Variants in SELP observed in about 807,000 individuals in gnomAD.
The protein encoded by SELP is selectin P.
In SELP, 92 loss-of-function variants were observed where a neutral mutation model predicts 104.1. The ratio of observed to expected loss-of-function variants is 0.88; its 90% CI spans 0.75 to 1.05. The LOEUF (loss-of-function observed/expected upper bound fraction) is 1.05, where lower values mean the gene tolerates loss of function less well. Ranked by LOEUF, SELP falls within the 50% of genes least tolerant of loss-of-function variation. The pLI, the probability that SELP is intolerant of heterozygous loss-of-function variation, is 0.00. For missense variants in SELP, 1,022 were observed against 1,017.3 expected (o/e 1.00, Z -0.06); for synonymous variants, 397 against 364.5 (o/e 1.09, Z -1.01).
At chr1:169,599,367 A>AG (rs1483370697) in intron 10 of SELP, among the ~76,000 whole-genome samples, 3 of 151,802 alleles carry the variant, frequency 2.0e-5, no homozygotes, top group African/African-American at 7.3e-5. Flanking sequence ...GCAAAAAAAA[A>AG]AAAACTCCTG....
chr1:169,612,569 C>T (rs1662597417), intron 5 of SELP, among the ~76,000 whole-genome samples, 167 bp from the exon 6 acceptor site: 1 of 152,090 alleles, frequency 6.6e-6, no homozygotes, highest in Non-Finnish European at 1.5e-5. Flanking sequence ...AGATCAAACA[C>T]CCTTGTTTTT....
chr1:169,603,064 C>T lies in SELP; in HGVS notation c.1667G>A (p.Arg556Gln), dbSNP rs201049860. Residue 556 changes from arginine to glutamine, a missense_variant, in exon 10 of 17, where the codon CGA becomes CAA. Coordinates refer to ENST00000263686, the MANE Select transcript of SELP (RefSeq NM_003005.4). ...TGGGGAGTCTGTCCAGCGTCCCGAT[C>T]GAGTACAATCCAATCTTTCTGGTCC... ...LSGPERLDCT[R>Q]SGRWTDSPPM... The T allele has an allele frequency of 1.1e-5, 18 of 1,613,850 alleles. No homozygotes were observed. The highest frequency in any genetic ancestry group is 9.3e-5 in the African/African-American group (7 of 74,904).
chr1:169,608,147 C>CTT (rs200791706), intron 8 of SELP, among the ~76,000 whole-genome samples: 1 of 138,242 alleles, frequency 7.2e-6, no homozygotes, highest in Non-Finnish European at 1.6e-5. Flanking sequence ...CTTGTTTTTT[C>CTT]TTTTTTTTTT....
intron 1 of SELP, among the ~76,000 whole-genome samples, chr1:169,629,155 T>A (rs1234393001): frequency 6.6e-6 from 1 of 152,216 alleles, no homozygotes; most frequent in Admixed American, 6.5e-5. Context: ...GTGCATTTTA[T>A]CTAGGTGCAT....
intron 1 of SELP, among the ~76,000 whole-genome samples, chr1:169,629,777 G>A (rs910000596): frequency 2.0e-5 from 3 of 152,150 alleles, no homozygotes; most frequent in African/African-American, 7.2e-5. Context: ...CAGAGGACAG[G>A]CCCCAGATCC....
At chr1:169,591,590 T>C (rs1027870373) in intron 14 of SELP, 134 bp from the exon 15 acceptor site, 2 of 532,620 alleles carry the variant, frequency 3.8e-6, no homozygotes, top group South Asian at 3.0e-5. Flanking sequence ...AAGGGGAATA[T>C]TGGGAACAGT....
chr1:169,628,332 G>T (rs1314896567), intron 1 of SELP, among the ~76,000 whole-genome samples: 1 of 152,216 alleles, frequency 6.6e-6, no homozygotes, highest in Admixed American at 6.5e-5. Context: ...GGTCCTAAAA[G>T]TTAATTAAAG....
chr1:169,628,107 G>C (rs1359292123), intron 1 of SELP, among the ~76,000 whole-genome samples: 1 of 152,194 alleles, frequency 6.6e-6, no homozygotes, highest in Admixed American at 6.5e-5. Context: ...TGTTGGCCAG[G>C]CTGCTCTTGA....
chr1:169,621,258 C>T (rs1196248847), intron 1 of SELP, among the ~76,000 whole-genome samples: 1 of 135,622 alleles, frequency 7.4e-6, no homozygotes, highest in South Asian at 2.4e-4. Flanking sequence ...TGTGTCACAC[C>T]CCAGTGATGG....
intron 3 of SELP, among the ~76,000 whole-genome samples, chr1:169,615,398 T>A (rs956790091): frequency 6.6e-6 from 1 of 152,212 alleles, no homozygotes; most frequent in South Asian, 2.1e-4. Context: ...CTACCACTGT[T>A]GTGGGTTAGA....
At chr1:169,605,436 ATTC>A (rs1244865067) in intron 9 of SELP, among the ~76,000 whole-genome samples, 1 of 148,000 alleles carries the variant, frequency 6.8e-6, no homozygotes, top group African/African-American at 2.4e-5. Flanking sequence ...TCATTCATTC[ATTC>A]ATTCATTCAT....
intron 7 of SELP, 150 bp downstream of exon 7, chr1:169,611,342 G>C (rs1253359364): frequency 6.9e-6 from 5 of 728,208 alleles, no homozygotes; most frequent in Non-Finnish European, 1.1e-5. Context: ...CCATTTCACA[G>C]ATGAGAAAAC....
chr1:169,589,836 T>G (rs182943717), intron 16 of SELP, among the ~76,000 whole-genome samples: 34 of 152,348 alleles, frequency 2.2e-4, no homozygotes, highest in African/African-American at 7.9e-4. Context: ...CAGTCCTGAC[T>G]TCTGCTTTGC....
chr1:169,603,728 T>A (rs1168539786), intron 9 of SELP, among the ~76,000 whole-genome samples: 1 of 152,236 alleles, frequency 6.6e-6, no homozygotes, highest in Non-Finnish European at 1.5e-5. Context: ...ATTTTGGCTC[T>A]GTTACTTGCT....
intron 1 of SELP, among the ~76,000 whole-genome samples, chr1:169,620,436 T>C (rs916808933): frequency 1.3e-5 from 2 of 151,334 alleles, no homozygotes; most frequent in African/African-American, 4.9e-5. Context: ...AATCCCATGC[T>C]GCATTGCTGT....
In SELP at chr1:169,617,264, A is replaced by T; in HGVS notation, c.245T>A (p.Val82Asp). The T allele has an allele frequency of 1.2e-6, 2 of 1,613,982 alleles. No homozygotes were observed. The highest frequency in any genetic ancestry group is 2.2e-5 in the South Asian group (2 of 91,078). Residue 82 changes from valine to aspartate, a missense_variant, in exon 3 of 17, where the codon GTC (valine) becomes GAC (aspartate). By Grantham distance (152) the Val-to-Asp change is radical. Coordinates refer to ENST00000263686, the MANE Select transcript of SELP (RefSeq NM_003005.4). ...NKNEIDYLNK[V>D]LPYYSSYYWI... ...GTAGTAGGAGCTGTAGTAGGGTAGG[A>T]CCTTATTGAGGTAATCAATTTCATT...
At chr1:169,619,250 T>G (rs746783602) in intron 1 of SELP, 31 bp from the exon 2 acceptor site, 1 of 1,517,634 alleles carries the variant, frequency 6.6e-7, no homozygotes, top group Non-Finnish European at 9.2e-7. Flanking sequence ...TTTCTTTTAG[T>G]ATCCATACAC....
chr1:169,600,944 C>T (rs1661879351), intron 10 of SELP, among the ~76,000 whole-genome samples: 1 of 152,040 alleles, frequency 6.6e-6, no homozygotes. Flanking sequence ...GGGGATGGGG[C>T]CTGCAAAGTG....
At position 169,610,734 on chromosome 1, in the gene SELP, G is replaced by A. The variant is rs148531367; in HGVS notation, c.1147+758C>T. Among the ~76,000 whole-genome samples, 633 of 152,146 alleles carry A rather than the reference G, an allele frequency of 4.2e-3. 4 individuals are homozygous for A. The highest frequency in any genetic ancestry group is 0.012 in the African/African-American group (510 of 41,472). ...GCAGAGGTTGCAGTGAGCTGAGATC[G>A]TGCCACTGCACTTCAGCCTGGGCGA... On this transcript the variant is annotated intron_variant, in intron 7 of 16. Coordinates refer to ENST00000263686, the MANE Select transcript of SELP (RefSeq NM_003005.4).
Sources: gnomAD v4.1 joint callset for allele counts (sites outside exome capture counted in the v4.1 genomes callset) on GRCh38, gnomAD v4.1.1 for gene constraint, MANE v1.5 for transcripts, NCBI Gene and HGNC (gene_info 2026-07-23, HGNC 2026-07-21) for gene names.